Variants in PHLDB2 observed in about 807,000 individuals in gnomAD.
The protein encoded by PHLDB2 is pleckstrin homology like domain family B member 2.
In PHLDB2, 71 loss-of-function variants were observed where a neutral mutation model predicts 123.6. The observed-to-expected ratio is 0.57, with a 90% CI of 0.47 to 0.70. The LOEUF (loss-of-function observed/expected upper bound fraction) is 0.70, where lower values mean the gene tolerates loss of function less well. Among genes scored for constraint, PHLDB2 ranks in the 30% least tolerant of loss-of-function variants. PHLDB2 has a pLI of 0.00. For synonymous variants in PHLDB2, 547 were observed against 541.6 expected, an observed-to-expected ratio of 1.01 and a Z score of -0.14; for missense variants, 1,446 against 1,519.5, an observed-to-expected ratio of 0.95 and a Z score of 0.80.
chr3:111,923,329 T>C (rs2068631035), intron 5 of PHLDB2, among the ~76,000 whole-genome samples: 1 of 152,198 alleles, frequency 6.6e-6, no homozygotes, highest in Non-Finnish European at 1.5e-5. Context: ...TTCTTCACTG[T>C]CTCCCTTTTG....
At chr3:111,911,823 C>A in intron 2 of PHLDB2, 1 of 899,038 alleles carries the variant, frequency 1.1e-6, no homozygotes, top group South Asian at 1.4e-5. Context: ...AAATGTAAGT[C>A]AGATACACCT....
chr3:111,925,474 G>A (rs977976784), intron 5 of PHLDB2, among the ~76,000 whole-genome samples: 1 of 152,174 alleles, frequency 6.6e-6, no homozygotes, highest in Non-Finnish European at 1.5e-5. Context: ...ATCACAGATG[G>A]AGCCACTATG....
At chr3:111,811,002 A>G (rs944845527) in intron 1 of PHLDB2, among the ~76,000 whole-genome samples, 21 of 152,328 alleles carry the variant, frequency 1.4e-4, no homozygotes, top group African/African-American at 5.1e-4. Flanking sequence ...TGGCCCAGAT[A>G]CATGCTCCAT....
At chr3:111,856,925 T>C (rs147577121), upstream of PHLDB2, among the ~76,000 whole-genome samples, 13 of 152,274 alleles carry the variant, frequency 8.5e-5, no homozygotes, top group East Asian at 2.5e-3. Flanking sequence ...TAAATTTAAG[T>C]AGTATGGAAA....
chr3:111,918,171 G>T (rs760769451), intron 3 of PHLDB2, among the ~76,000 whole-genome samples: 1 of 152,128 alleles, frequency 6.6e-6, no homozygotes, highest in Non-Finnish European at 1.5e-5. Context: ...TCTTCTTGAA[G>T]AATAAACAGT....
At chr3:111,762,352 C>CAT in intron 1 of PHLDB2, among the ~76,000 whole-genome samples, 1 of 142,030 alleles carries the variant, frequency 7.0e-6, no homozygotes, top group South Asian at 2.3e-4. Flanking sequence ...ATATAACTAG[C>CAT]ATTACCATAT....
chr3:111,823,107 AC>A (rs1481015452), intron 1 of PHLDB2, among the ~76,000 whole-genome samples: 1 of 152,216 alleles, frequency 6.6e-6, no homozygotes, highest in Non-Finnish European at 1.5e-5. Flanking sequence ...CTCAACCAGG[AC>A]AGCTTCCAAG....
chr3:111,742,543 G>A (rs2059621245), intron 1 of PHLDB2, among the ~76,000 whole-genome samples: 1 of 151,900 alleles, frequency 6.6e-6, no homozygotes, highest in African/African-American at 2.4e-5. Context: ...TCCCACCTAT[G>A]AGTGAGAAAA....
chr3:111,960,718 G>A (rs1396307565), intron 12 of PHLDB2, among the ~76,000 whole-genome samples: 2 of 152,162 alleles, frequency 1.3e-5, no homozygotes, highest in Non-Finnish European at 2.9e-5. Flanking sequence ...ACAAAAAAGA[G>A]GAAATTCAAA....
chr3:111,759,737 A>G (rs2059961902), intron 1 of PHLDB2, among the ~76,000 whole-genome samples: 1 of 152,244 alleles, frequency 6.6e-6, no homozygotes, highest in Non-Finnish European at 1.5e-5. Context: ...TTTATAAGTG[A>G]GCAAACAAAT....
intron 13 of PHLDB2, 95 bp downstream of exon 13, chr3:111,962,407 G>GT: frequency 6.8e-6 from 8 of 1,167,934 alleles, no homozygotes; most frequent in Non-Finnish European, 9.6e-6. Flanking sequence ...ATATGCACAA[G>GT]CCCAAATTTT....
chr3:111,834,184 TTATATATGTAATAGA>T (rs1559858113), intron 1 of PHLDB2, among the ~76,000 whole-genome samples: 591 of 105,860 alleles, frequency 5.6e-3, no homozygotes, highest in Non-Finnish European at 7.0e-3. Context: ...ATTATATATA[TTATATATGTAATAGA>T]ATTATATATG....
chr3:111,876,371 A>G (rs991790798), intron 1 of PHLDB2, among the ~76,000 whole-genome samples: 1 of 152,160 alleles, frequency 6.6e-6, no homozygotes, highest in Non-Finnish European at 1.5e-5. Context: ...GAAAATCTGC[A>G]TATAACTTTT....
chr3:111,912,965 G>C (rs1043779271), intron 2 of PHLDB2, among the ~76,000 whole-genome samples: 3 of 152,200 alleles, frequency 2.0e-5, no homozygotes, highest in African/African-American at 7.2e-5. Flanking sequence ...GACAGAGTAA[G>C]ACCTTGTCTT....
intron 1 of PHLDB2, among the ~76,000 whole-genome samples, chr3:111,811,753 A>T (rs1346728904): frequency 6.6e-6 from 1 of 152,184 alleles, no homozygotes; most frequent in Admixed American, 6.5e-5. Context: ...AAAGCAGGAT[A>T]TTAGGCCTAC....
intron 1 of PHLDB2, among the ~76,000 whole-genome samples, chr3:111,770,915 G>A (rs970811196): frequency 2.0e-5 from 3 of 151,650 alleles, no homozygotes; most frequent in Non-Finnish European, 2.9e-5. Context: ...TGATTGGTAC[G>A]AAGCCAGTCA....
intron 1 of PHLDB2, among the ~76,000 whole-genome samples, chr3:111,863,617 C>G (rs2064937424): frequency 2.6e-5 from 4 of 152,172 alleles, no homozygotes; most frequent in Admixed American, 2.6e-4. Flanking sequence ...AATCTTTTCC[C>G]TCCAACCAAC....
At chr3:111,816,081 TC>T (rs145745340) in intron 1 of PHLDB2, among the ~76,000 whole-genome samples, 6,450 of 152,182 alleles carry the variant, frequency 0.042, 460 homozygotes, top group African/African-American at 0.15. Flanking sequence ...CTTTAGAACT[TC>T]CCCCTAGATT....
chr3:111,804,775 G>C (rs186338855), intron 1 of PHLDB2, among the ~76,000 whole-genome samples: 2 of 152,322 alleles, frequency 1.3e-5, no homozygotes, highest in East Asian at 1.9e-4. Flanking sequence ...TAACTGTGAT[G>C]CTGAACAGTA....
Sources: gnomAD v4.1 joint callset for allele counts (sites outside exome capture counted in the v4.1 genomes callset) on GRCh38, gnomAD v4.1.1 for gene constraint, MANE v1.5 for transcripts, NCBI Gene and HGNC (gene_info 2026-07-23, HGNC 2026-07-21) for gene names.